ZNF2: variants seen among roughly 807,000 people sequenced by gnomAD.
The protein encoded by ZNF2 is zinc finger protein 2.2.
Under a neutral mutation model 21.9 loss-of-function variants are expected in ZNF2, and 12 were observed. The ratio of observed to expected loss-of-function variants is 0.55; its 90% CI spans 0.35 to 0.89. The LOEUF (loss-of-function observed/expected upper bound fraction) is 0.89. ZNF2 is among the 40% of genes least tolerant of loss of function. ZNF2 has a pLI of 0.01. For synonymous variants in ZNF2, 186 were observed against 196.3 expected, an observed-to-expected ratio of 0.95 and a Z score of 0.44; for missense variants, 462 against 544.2, an observed-to-expected ratio of 0.85 and a Z score of 1.50.
Position 95,182,136 on chromosome 2 carries a change from C to T in ZNF2, c.*30C>T, listed in dbSNP as rs772232234. On this transcript the variant is annotated 3_prime_UTR_variant, in exon 5 of 5. Coordinates refer to ENST00000614034, the MANE Select transcript of ZNF2 (RefSeq NM_021088.4). Reference sequence around the variant, plus strand: ...GGCAAAAGCTTGGGTAGGACAAGAACTTCCATACAAATTTGAGATAGATCT... The same window carrying T: ...GGCAAAAGCTTGGGTAGGACAAGAATTTCCATACAAATTTGAGATAGATCT... 6 of 1,559,354 alleles carry T rather than the reference C, an allele frequency of 3.8e-6. No homozygotes were observed. The highest frequency in any genetic ancestry group is 4.3e-6 in the Non-Finnish European group (5 of 1,153,124).
chr2:95,181,001 G>A (rs1023515548), intron 4 of ZNF2, 102 bp from the exon 5 acceptor site: 17 of 1,374,204 alleles, frequency 1.2e-5, no homozygotes, highest in East Asian at 2.3e-5. Context: ...AGCAAGCAAT[G>A]CAGTGACCAT....
intron 1 of ZNF2, among the ~76,000 whole-genome samples, chr2:95,168,331 A>C (rs1031174371): frequency 1.3e-5 from 2 of 151,792 alleles, no homozygotes; most frequent in African/African-American, 4.8e-5. Flanking sequence ...AGGCTGAGGC[A>C]GGAGAATCGC....
At chr2:95,178,663 G>A (rs1011537858) in intron 3 of ZNF2, among the ~76,000 whole-genome samples, 1 of 152,092 alleles carries the variant, frequency 6.6e-6, no homozygotes, top group African/African-American at 2.4e-5. Flanking sequence ...CTATTTCCAG[G>A]ATCTATTTTT....
intron 1 of ZNF2, among the ~76,000 whole-genome samples, chr2:95,169,989 T>C (rs1674217332): frequency 6.6e-6 from 1 of 152,180 alleles, no homozygotes; most frequent in African/African-American, 2.4e-5. Flanking sequence ...TAAGAAACTT[T>C]CCTGAGGTAG....
intron 2 of ZNF2, among the ~76,000 whole-genome samples, chr2:95,176,662 A>G (rs1674453753): frequency 6.6e-6 from 1 of 152,172 alleles, no homozygotes; most frequent in African/African-American, 2.4e-5. Flanking sequence ...CACACTGTAG[A>G]GCACCTCTGT....
intron 1 of ZNF2, among the ~76,000 whole-genome samples, chr2:95,167,082 T>TG (rs1427905863): frequency 1.3e-5 from 2 of 151,580 alleles, no homozygotes; most frequent in African/African-American, 4.8e-5. Context: ...AGGGCAAAAG[T>TG]GGGGAAAAAG....
At chr2:95,173,675 A>G (rs1674353550) in intron 1 of ZNF2, among the ~76,000 whole-genome samples, 1 of 152,192 alleles carries the variant, frequency 6.6e-6, no homozygotes, top group African/African-American at 2.4e-5. Flanking sequence ...AATACTCAAT[A>G]ATGCTAGTTG....
chr2:95,179,824 C>T (rs762703159), intron 3 of ZNF2, among the ~76,000 whole-genome samples: 3 of 152,128 alleles, frequency 2.0e-5, no homozygotes, highest in Admixed American at 6.5e-5. Flanking sequence ...TGGGAGGCCG[C>T]GGCAGGTGGA....
intron 1 of ZNF2, among the ~76,000 whole-genome samples, chr2:95,168,858 G>A (rs1380837540): frequency 6.6e-6 from 1 of 152,152 alleles, no homozygotes; most frequent in Non-Finnish European, 1.5e-5. Context: ...GGGAATCTTT[G>A]GTGTGGTAGA....
chr2:95,177,976 G>C (rs1265634659), intron 3 of ZNF2, among the ~76,000 whole-genome samples: 1 of 152,206 alleles, frequency 6.6e-6, no homozygotes, highest in African/African-American at 2.4e-5. Context: ...CATATGCCCA[G>C]TTCTCCCAGT....
chr2:95,177,392 C>A, intron 2 of ZNF2, 91 bp from the exon 3 acceptor site: 2 of 1,457,822 alleles, frequency 1.4e-6, no homozygotes, highest in Non-Finnish European at 1.9e-6. Context: ...TCCCACCATG[C>A]GTCCTCCAGG....
chr2:95,177,714 C>T (rs1461285346), intron 3 of ZNF2, 105 bp downstream of exon 3: 2 of 1,388,762 alleles, frequency 1.4e-6, no homozygotes, highest in East Asian at 4.9e-5. Flanking sequence ...TTCTGAGCCA[C>T]CTGAGAGATA....
chr2:95,180,604 G>A (rs1177304098), intron 4 of ZNF2, among the ~76,000 whole-genome samples: 1 of 151,514 alleles, frequency 6.6e-6, no homozygotes, highest in African/African-American at 2.4e-5. Flanking sequence ...CCACCTCCCA[G>A]GTTCAAGCGA....
chr2:95,171,740 C>T (rs1674278946), intron 1 of ZNF2, among the ~76,000 whole-genome samples: 1 of 152,180 alleles, frequency 6.6e-6, no homozygotes, highest in Non-Finnish European at 1.5e-5. Flanking sequence ...AGCTTTCATT[C>T]AGTTTGTCAT....
Position 95,182,146 on chromosome 2 carries a change from A to G in ZNF2, c.*40A>G. 6.4e-7 allele frequency: 1 copy of G among 1,552,562 alleles called. No individual in the cohort carries two copies. The highest frequency in any genetic ancestry group is 8.7e-7 in the Non-Finnish European group (1 of 1,150,006). ...TGGGTAGGACAAGAACTTCCATACA[A>G]ATTTGAGATAGATCTCGCCTGTCTT... is the stretch of plus-strand genomic sequence containing the variant. On this transcript the variant is annotated 3_prime_UTR_variant, in exon 5 of 5. Transcript: ENST00000614034.
chr2:95,177,527 A>C lies in ZNF2; in HGVS notation c.78A>C (p.Glu26Asp). The C allele has an allele frequency of 1.2e-6, 2 of 1,614,150 alleles. No homozygotes were observed. Among genetic ancestry groups the C allele is most frequent in the Non-Finnish European group, 1.7e-6 (2 of 1,180,026 alleles). ...ACGTTGCCGTGGTTTTCACAGATGA[A>C]GAGTGGAGTCGTCTGGTCCCCATAC... Reference protein sequence around the residue: ...FEDVAVVFTDEEWSRLVPIQR... With the variant: ...FEDVAVVFTDDEWSRLVPIQR... The change falls in exon 3 of 5, where the codon GAA (glutamate) becomes GAC (aspartate). Residue 26 changes from glutamate (E) to aspartate (D), a missense_variant. By Grantham distance (45) the Glu-to-Asp change is conservative. Coordinates refer to ENST00000614034, the MANE Select transcript of ZNF2 (RefSeq NM_021088.4).
At chr2:95,171,311 G>A (rs1674258581) in intron 1 of ZNF2, among the ~76,000 whole-genome samples, 1 of 151,660 alleles carries the variant, frequency 6.6e-6, no homozygotes, top group Non-Finnish European at 1.5e-5. Flanking sequence ...TGGTAACCCG[G>A]GCGTCATCTT....
In ZNF2 at chr2:95,184,152, C is replaced by T. The variant is rs2104515290; in HGVS notation, c.*2046C>T. ...CAGACCCTCCCCAACCTACTAACGA[C>T]CCTATTACTCTGTTCACCCTAGAGC... is the stretch of plus-strand genomic sequence containing the variant. On this transcript the variant is annotated 3_prime_UTR_variant, in exon 5 of 5. Coordinates refer to ENST00000614034, the MANE Select transcript of ZNF2 (RefSeq NM_021088.4). The T allele has an allele frequency of 6.6e-6, 1 of 152,182 alleles. No homozygotes were observed. The highest frequency in any genetic ancestry group is 1.9e-4 in the East Asian group (1 of 5,196). 9.4% of individuals were successfully genotyped at this position (152,182 alleles called of 1,614,324 possible). A position where few individuals can be genotyped will look rare whatever the true frequency, so the allele number is the denominator to read the frequency against.
intron 4 of ZNF2, 133 bp downstream of exon 4, chr2:95,180,405 A>T: frequency 1.6e-6 from 1 of 610,366 alleles, no homozygotes. Flanking sequence ...ATATCACCCA[A>T]TAGCTTTTAT....
Sources: allele counts gnomAD v4.1 joint callset (sites outside exome capture counted in the v4.1 genomes callset), GRCh38; gene constraint gnomAD v4.1.1; transcripts MANE v1.5; gene names NCBI Gene and HGNC (gene_info 2026-07-23, HGNC 2026-07-21).